Variants in DIS3L2 observed in about 807,000 individuals in gnomAD.
The protein encoded by DIS3L2 is DIS3-like exonuclease 2.
Under a neutral mutation model 97.5 loss-of-function variants are expected in DIS3L2, and 34 were observed. The observed-to-expected ratio is 0.35, with a 90% CI of 0.27 to 0.46. The LOEUF is 0.46. Among genes scored for constraint, DIS3L2 ranks in the 20% least tolerant of loss-of-function variants. DIS3L2 has a pLI of 1.00. For missense variants in DIS3L2, 1,038 were observed against 1,146.0 expected (o/e 0.91, Z 1.36); for synonymous variants, 435 against 445.2 (o/e 0.98, Z 0.29).
At chr2:232,098,803 C>A (rs1574873941) in intron 6 of DIS3L2, among the ~76,000 whole-genome samples, 1 of 152,096 alleles carries the variant, frequency 6.6e-6, no homozygotes, top group African/African-American at 2.4e-5. Context: ...AACAGTTTTA[C>A]AAACATCTTC....
At chr2:232,085,987 A>AT (rs948397740) in intron 5 of DIS3L2, among the ~76,000 whole-genome samples, 15 of 151,628 alleles carry the variant, frequency 9.9e-5, no homozygotes, top group African/African-American at 3.4e-4. Flanking sequence ...TGATTTTTAA[A>AT]TTTTTTTTAG....
At chr2:232,125,990 A>G (rs1189944803) in intron 6 of DIS3L2, among the ~76,000 whole-genome samples, 1 of 152,202 alleles carries the variant, frequency 6.6e-6, no homozygotes, top group East Asian at 1.9e-4. Flanking sequence ...CTCTTTGGAA[A>G]TTGTAAATTT....
chr2:232,191,759 A>AGT (rs976114060), intron 9 of DIS3L2, among the ~76,000 whole-genome samples: 6 of 152,354 alleles, frequency 3.9e-5, no homozygotes, highest in African/African-American at 1.4e-4. Context: ...TTGTTTAAAC[A>AGT]GTTCTGTGGT....
chr2:232,329,891 G>A lies in DIS3L2; in HGVS notation c.1818G>A (p.Leu606=), dbSNP rs2106348009. Residue 606 remains leucine (L), a synonymous_variant, in exon 15 of 21, where the codon CTG becomes CTA. Coordinates refer to ENST00000325385, the MANE Select transcript of DIS3L2 (RefSeq NM_152383.5). ...ACCGCGCCTTCCCCGAGCAGGCCCT[G>A]CTGCGCCGGCACCCCCCGCCCCAAA... ...KIHRAFPEQA[L]LRRHPPPQTR... 2 of 1,596,370 alleles carry A rather than the reference G, an allele frequency of 1.3e-6. No individual in the cohort carries two copies. Among genetic ancestry groups the A allele is most frequent in the Non-Finnish European group, 1.7e-6 (2 of 1,170,082 alleles).
At chr2:232,238,701 T>C in intron 11 of DIS3L2, 56 bp downstream of exon 11, 1 of 1,440,570 alleles carries the variant, frequency 6.9e-7, no homozygotes, top group South Asian at 1.2e-5. Flanking sequence ...TTTGTTTCCC[T>C]GGAAGAGTGT....
intron 1 of DIS3L2, among the ~76,000 whole-genome samples, chr2:231,964,786 A>G (rs1234351910): frequency 6.6e-6 from 1 of 152,262 alleles, no homozygotes; most frequent in Non-Finnish European, 1.5e-5. Flanking sequence ...TTATTAGGAA[A>G]GCAATGAAAT....
At chr2:232,198,985 AT>A (rs1252833163) in intron 9 of DIS3L2, among the ~76,000 whole-genome samples, 1 of 152,136 alleles carries the variant, frequency 6.6e-6, no homozygotes, top group African/African-American at 2.4e-5. Context: ...ATAGCAATGA[AT>A]TTCAGCACTG....
chr2:232,070,218 A>C (rs1376799272), intron 5 of DIS3L2, among the ~76,000 whole-genome samples: 1 of 152,214 alleles, frequency 6.6e-6, no homozygotes, highest in Non-Finnish European at 1.5e-5. Flanking sequence ...GTGAGCCAAG[A>C]TCGTGCCACT....
At chr2:232,132,695 G>C (rs991508249) in intron 7 of DIS3L2, among the ~76,000 whole-genome samples, 4 of 152,084 alleles carry the variant, frequency 2.6e-5, no homozygotes, top group Non-Finnish European at 5.9e-5. Flanking sequence ...CCTGTAAAGA[G>C]CCCTAATGAC....
intron 1 of DIS3L2, among the ~76,000 whole-genome samples, chr2:231,970,276 T>G (rs141229897): frequency 4.6e-5 from 7 of 152,318 alleles, no homozygotes; most frequent in African/African-American, 1.7e-4. Flanking sequence ...TGGTGAAATA[T>G]CGCATCGATT....
chr2:232,258,359 C>T (rs566442228), intron 12 of DIS3L2, among the ~76,000 whole-genome samples: 3 of 152,158 alleles, frequency 2.0e-5, no homozygotes, highest in South Asian at 2.1e-4. Context: ...CCAAAGCGGG[C>T]GGATCACGAG....
In DIS3L2 at chr2:232,087,445, T is replaced by C. The variant is rs62197663; in HGVS notation, c.367-42T>C. ...AGAAAAATCTGCTCTTTTTTTTTTT[T>C]CCTCTCTCAGTGATTTAGCAGAATT... On this transcript the variant is annotated intron_variant, in intron 5 of 20. Transcript: ENST00000325385. The C allele has an allele frequency of 2.4e-5, 35 of 1,451,174 alleles. No homozygotes were observed. In the East Asian group the frequency reaches 3.0e-4, roughly 12 times the overall value. The allele number at this position is 1,451,174 out of a possible 1,614,324, so 89.9% of individuals were successfully genotyped here. A position where few individuals can be genotyped will look rare whatever the true frequency, so the allele number is the denominator to read the frequency against.
chr2:232,213,463 T>G (rs1451299898), intron 10 of DIS3L2, among the ~76,000 whole-genome samples: 1 of 152,092 alleles, frequency 6.6e-6, no homozygotes, highest in Non-Finnish European at 1.5e-5. Flanking sequence ...CAGTTGGCCT[T>G]TGTGACAACA....
intron 5 of DIS3L2, among the ~76,000 whole-genome samples, chr2:232,064,354 T>C (rs1695795064): frequency 6.6e-6 from 1 of 152,196 alleles, no homozygotes. Context: ...AGCGTGCGCA[T>C]GTGAAATTTA....
chr2:232,280,051 C>T (rs1015059582), intron 13 of DIS3L2, among the ~76,000 whole-genome samples: 4 of 152,164 alleles, frequency 2.6e-5, no homozygotes, highest in Admixed American at 1.3e-4. Context: ...ATCTAAGAAA[C>T]CTTTGACTAA....
intron 1 of DIS3L2, among the ~76,000 whole-genome samples, chr2:231,964,317 A>G (rs1000481763): frequency 6.6e-6 from 1 of 152,172 alleles, no homozygotes; most frequent in Non-Finnish European, 1.5e-5. Context: ...TGTGGTTAGT[A>G]TATTCTGTAG....
intron 5 of DIS3L2, among the ~76,000 whole-genome samples, chr2:232,055,992 G>GA (rs761335798): frequency 2.0e-5 from 3 of 152,164 alleles, no homozygotes; most frequent in Admixed American, 6.5e-5. Flanking sequence ...AACTAAATGT[G>GA]AAAGGTAGAA....
chr2:232,029,698 A>G (rs1694751395), intron 4 of DIS3L2, among the ~76,000 whole-genome samples: 2 of 151,590 alleles, frequency 1.3e-5, no homozygotes, highest in Non-Finnish European at 2.9e-5. Flanking sequence ...GAGAGTCCAA[A>G]TCTTAGAGCC....
At chr2:232,094,895 A>G (rs1209026098) in intron 6 of DIS3L2, among the ~76,000 whole-genome samples, 2 of 151,968 alleles carry the variant, frequency 1.3e-5, no homozygotes, top group Non-Finnish European at 2.9e-5. Flanking sequence ...CCCCTTTATC[A>G]TTATATAGTG....
Sources: allele counts gnomAD v4.1 joint callset (sites outside exome capture counted in the v4.1 genomes callset), GRCh38; gene constraint gnomAD v4.1.1; transcripts MANE v1.5; gene names NCBI Gene and HGNC (gene_info 2026-07-23, HGNC 2026-07-21).